The following CCN3 variants were observed in gnomAD, a reference collection of about 807,000 sequenced individuals.
The protein encoded by CCN3 is CCN family member 3.
In CCN3, 20 loss-of-function variants were observed where a neutral mutation model predicts 33.4. The ratio of observed to expected loss-of-function variants is 0.60; its 90% CI spans 0.42 to 0.87. The LOEUF is 0.87. Ranked by LOEUF, CCN3 falls within the 40% of genes least tolerant of loss-of-function variation. CCN3 has a pLI of 0.00. For synonymous variants in CCN3, 205 were observed against 170.4 expected (o/e 1.20, Z -1.58); for missense variants, 465 against 455.3 (o/e 1.02, Z -0.19).
At chr8:119,417,453 G>A (rs1820066755) in intron 2 of CCN3, among the ~76,000 whole-genome samples, 1 of 152,144 alleles carries the variant, frequency 6.6e-6, no homozygotes, top group South Asian at 2.1e-4. Flanking sequence ...ACCCTTTTCT[G>A]GCTGCAAGTA....
chr8:119,419,196 A>G lies in CCN3; in HGVS notation c.628A>G (p.Thr210Ala), dbSNP rs1209833033. The change falls in exon 4 of 5, where the codon ACC becomes GCC. Residue 210 changes from threonine (T) to alanine (A), a missense_variant. Coordinates refer to ENST00000259526, the MANE Select transcript of CCN3 (RefSeq NM_002514.4). ...SDSSVNCIEQTTEWTACSKSC... is the reference protein window; with the variant it reads ...SDSSVNCIEQATEWTACSKSC... ...CTCAAGTGTCAACTGCATTGAACAG[A>G]CCACAGAGTGGACAGCATGCTCCAA... The G allele has an allele frequency of 6.2e-7, 1 of 1,614,120 alleles. No individual in the cohort carries two copies. The highest frequency in any genetic ancestry group is 8.5e-7 in the Non-Finnish European group (1 of 1,180,048).
intron 3 of CCN3, among the ~76,000 whole-genome samples, chr8:119,418,715 C>T (rs1820085836): frequency 6.6e-6 from 1 of 152,200 alleles, no homozygotes; most frequent in Non-Finnish European, 1.5e-5. Context: ...TTAAAGAAGG[C>T]TACTCATCCC....
chr8:119,422,041 T>G (rs778349314), intron 4 of CCN3, among the ~76,000 whole-genome samples: 1 of 152,166 alleles, frequency 6.6e-6, no homozygotes, highest in Admixed American at 6.5e-5. Context: ...AAAGAAAAGA[T>G]GTGTAATTGC....
Position 119,416,528 on chromosome 8 carries a change from T to A in CCN3, c.-5T>A, listed in dbSNP as rs866641144. ...TTGGTAAAAGCGAGAGGGGAAAGCC[T>A]GAGCATGCAGAGTGTGCAGAGCACG... On this transcript the variant is annotated 5_prime_UTR_variant, in exon 1 of 5. Transcript: ENST00000259526. 1 of 1,613,650 alleles carries A rather than the reference T, an allele frequency of 6.2e-7. No homozygotes were observed. Among genetic ancestry groups the A allele is most frequent in the Middle Eastern group, 1.7e-4 (1 of 6,042 alleles).
intron 4 of CCN3, among the ~76,000 whole-genome samples, chr8:119,420,293 C>T (rs566688371): frequency 3.9e-5 from 6 of 152,204 alleles, no homozygotes; most frequent in Non-Finnish European, 7.3e-5. Flanking sequence ...CCTTCTCCCA[C>T]ATAATGGGGC....
chr8:119,418,919 C>T (rs1282905722), intron 3 of CCN3, among the ~76,000 whole-genome samples: 2 of 152,024 alleles, frequency 1.3e-5, no homozygotes, highest in South Asian at 2.1e-4. Context: ...TAGCAGTATC[C>T]GGAATTGTAT....
chr8:119,423,523 T>C lies in CCN3; in HGVS notation c.*391T>C. On this transcript the variant is annotated 3_prime_UTR_variant, in exon 5 of 5. Coordinates refer to ENST00000259526, the MANE Select transcript of CCN3 (RefSeq NM_002514.4). ...TGTAATGAGTCAGTGAAGTCTAGAA[T>C]CATACTTAACATTTCATTGTACAAG... The C allele has an allele frequency of 6.0e-6, 1 of 166,478 alleles. No individual in the cohort carries two copies. The highest frequency in any genetic ancestry group is 2.4e-5 in the African/African-American group (1 of 42,034). 10.3% of individuals were successfully genotyped at this position (166,478 alleles called of 1,614,324 possible).
intron 4 of CCN3, among the ~76,000 whole-genome samples, chr8:119,421,703 C>G (rs1043686447): frequency 1.3e-5 from 2 of 152,178 alleles, no homozygotes; most frequent in African/African-American, 4.8e-5. Flanking sequence ...TTATTTGCCT[C>G]CATGCAAATT....
At chr8:119,417,012 T>TTC in intron 2 of CCN3, 43 bp downstream of exon 2, 2 of 1,503,054 alleles carry the variant, frequency 1.3e-6, no homozygotes, top group Non-Finnish European at 1.8e-6. Flanking sequence ...CTCCTGCAGC[T>TTC]AAGTGAAGCT....
chr8:119,417,613 T>A (rs988118771), intron 2 of CCN3, among the ~76,000 whole-genome samples: 2 of 152,328 alleles, frequency 1.3e-5, no homozygotes, highest in Non-Finnish European at 2.9e-5. Flanking sequence ...CTACTGATGA[T>A]TTTATTATGC....
At chr8:119,419,105 G>T (rs1361544043) in intron 3 of CCN3, 26 bp from the exon 4 acceptor site, 2 of 1,575,788 alleles carry the variant, frequency 1.3e-6, no homozygotes, top group African/African-American at 1.4e-5. Context: ...ACCTAATATG[G>T]CTGTCTTTAT....
chr8:119,420,381 C>T (rs999129656), intron 4 of CCN3, among the ~76,000 whole-genome samples: 1 of 152,170 alleles, frequency 6.6e-6, no homozygotes, highest in African/African-American at 2.4e-5. Context: ...AGATTAAGTA[C>T]TCTGTTAACA....
At chr8:119,419,478 G>A (rs1244197526) in intron 4 of CCN3, 133 bp downstream of exon 4, 3 of 807,720 alleles carry the variant, frequency 3.7e-6, no homozygotes, top group East Asian at 2.6e-5. Context: ...CCAGAGAAAA[G>A]GCAGTGGGGT....
chr8:119,422,347 A>T (rs899101149), intron 4 of CCN3, among the ~76,000 whole-genome samples: 1 of 152,226 alleles, frequency 6.6e-6, no homozygotes, highest in East Asian at 1.9e-4. Flanking sequence ...GGTGATTACA[A>T]TATGAGAAGA....
In CCN3 at chr8:119,418,394, G is replaced by A. The variant is rs547127612; in HGVS notation, c.562+85G>A. 2.4e-4 allele frequency: 366 copies of A among 1,522,728 alleles called. 1 individual carries two copies. The highest frequency in any genetic ancestry group is 1.2e-3 in the Middle Eastern group (5 of 4,098). 94.3% of individuals were successfully genotyped at this position (1,522,728 alleles called of 1,614,324 possible). A position where few individuals can be genotyped will look rare whatever the true frequency, so the allele number is the denominator to read the frequency against. On this transcript the variant is annotated intron_variant, in intron 3 of 4. Coordinates refer to ENST00000259526, the MANE Select transcript of CCN3 (RefSeq NM_002514.4). ...ATTTGCAATCTCTTGGATTTGAAAA[G>A]AGAAACTGGCCTCAGTTTCTGGTCA...
rs747910948 is a variant in CCN3, at chr8:119,419,278, T to C, written c.710T>C (p.Met237Thr). 1.2e-6 allele frequency: 2 copies of C among 1,614,188 alleles called. No homozygotes were observed. The highest frequency in any genetic ancestry group is 2.2e-5 in the East Asian group (1 of 44,876). The change falls in exon 4 of 5, where the codon ATG becomes ACG. Residue 237 changes from methionine to threonine, a missense_variant. Met to Thr is a moderately conservative substitution (Grantham distance 81, BLOSUM62 -1). Transcript: ENST00000259526. ...RVTNRNRQCE[M>T]LKQTRLCMVR... ...ACCAATAGGAACCGTCAATGTGAGATGCTGAAACAGACTCGGCTCTGCATG... is the reference window on the plus strand; with the variant it reads ...ACCAATAGGAACCGTCAATGTGAGACGCTGAAACAGACTCGGCTCTGCATG...
At position 119,419,179 on chromosome 8, in the gene CCN3, T is replaced by C; in HGVS notation, c.611T>C (p.Val204Ala). Reference sequence around the variant, plus strand: ...GGAGTAGAAGTCTCTGACTCAAGTGTCAACTGCATTGAACAGACCACAGAG... The same window carrying C: ...GGAGTAGAAGTCTCTGACTCAAGTGCCAACTGCATTGAACAGACCACAGAG... Reference protein sequence around the residue: ...TLGVEVSDSSVNCIEQTTEWT... With the variant: ...TLGVEVSDSSANCIEQTTEWT... Residue 204 changes from valine to alanine, a missense_variant, in exon 4 of 5, where the codon GTC (valine) becomes GCC (alanine). Val to Ala is a moderately conservative substitution (Grantham distance 64). Transcript: ENST00000259526. The C allele has an allele frequency of 1.2e-6, 2 of 1,614,198 alleles. No individual in the cohort carries two copies. The highest frequency in any genetic ancestry group is 2.7e-5 in the African/African-American group (2 of 75,042).
chr8:119,418,164 C>T lies in CCN3; in HGVS notation c.417C>T (p.Gly139=). 2 of 1,614,232 alleles carry T rather than the reference C, an allele frequency of 1.2e-6. No individual in the cohort carries two copies. The highest frequency in any genetic ancestry group is 3.3e-5 in the Admixed American group (2 of 60,026). Residue 139 remains glycine (G), a synonymous_variant, in exon 3 of 5, where the codon GGC becomes GGT. Transcript: ENST00000259526. ...GCACCTGCAGAGATGGGCAGATTGG[C>T]TGTGTGCCCCGCTGTCAGCTGGATG... ...FQCTCRDGQI[G]CVPRCQLDVL...
At chr8:119,421,888 C>T (rs17791334) in intron 4 of CCN3, among the ~76,000 whole-genome samples, 27,918 of 152,180 alleles carry the variant, frequency 0.18, 2,757 homozygotes, top group Non-Finnish European at 0.22. Context: ...TATGAATGAA[C>T]ACTGTTAATA....
Sources: gnomAD v4.1 joint callset for allele counts (sites outside exome capture counted in the v4.1 genomes callset) on GRCh38, gnomAD v4.1.1 for gene constraint, MANE v1.5 for transcripts, NCBI Gene and HGNC (gene_info 2026-07-23, HGNC 2026-07-21) for gene names.